KAZN: variants seen among roughly 807,000 people sequenced by gnomAD.
The protein encoded by KAZN is kazrin, periplakin interacting protein, also known as kazrin.
In KAZN, 40 loss-of-function variants were observed where a neutral mutation model predicts 87.4. That is an observed-to-expected ratio of 0.46 (90% CI 0.36 to 0.60). KAZN has a LOEUF of 0.60. Ranked by LOEUF, KAZN falls within the 20% of genes least tolerant of loss-of-function variation. KAZN has a pLI of 0.00. For missense variants in KAZN, 898 were observed against 1,073.9 expected (o/e 0.84, Z 2.29); for synonymous variants, 466 against 458.3 (o/e 1.02, Z -0.22).
chr1:14,375,575 G>GT (rs1385409683), intron 2 of KAZN, among the ~76,000 whole-genome samples: 4 of 152,174 alleles, frequency 2.6e-5, no homozygotes, highest in Admixed American at 6.5e-5. Context: ...AGCATAAAGT[G>GT]TAAGGTCACT....
At chr1:14,565,558 C>T (rs1474981161) in intron 2 of KAZN, among the ~76,000 whole-genome samples, 8 of 152,172 alleles carry the variant, frequency 5.3e-5, no homozygotes, top group Non-Finnish European at 1.0e-4. Context: ...CATTGATTAA[C>T]CCTTCCTTTC....
intron 1 of KAZN, among the ~76,000 whole-genome samples, chr1:14,003,877 G>A (rs979313010): frequency 1.3e-5 from 2 of 152,048 alleles, no homozygotes; most frequent in South Asian, 4.2e-4. Flanking sequence ...CTGGTAAATA[G>A]GACTACATTA....
At chr1:14,314,703 T>G (rs1245364048) in intron 2 of KAZN, among the ~76,000 whole-genome samples, 2 of 152,144 alleles carry the variant, frequency 1.3e-5, no homozygotes, top group African/African-American at 4.8e-5. Flanking sequence ...AAATTCATTC[T>G]TTTAAAGTGT....
chr1:14,827,711 G>A (rs1360599778), intron 1 of KAZN, among the ~76,000 whole-genome samples: 1 of 152,200 alleles, frequency 6.6e-6, no homozygotes, highest in Non-Finnish European at 1.5e-5. Flanking sequence ...GTTCACAAGG[G>A]CCTTTCTGCC....
chr1:14,718,922 A>T (rs763855346), intron 1 of KAZN, among the ~76,000 whole-genome samples: 1 of 152,198 alleles, frequency 6.6e-6, no homozygotes, highest in Non-Finnish European at 1.5e-5. Flanking sequence ...TTGACATGAC[A>T]TAAAAAGAGA....
At chr1:15,063,775 C>T (rs934809473) in intron 7 of KAZN, among the ~76,000 whole-genome samples, 153 bp downstream of exon 7, 2 of 151,608 alleles carry the variant, frequency 1.3e-5, no homozygotes, top group African/African-American at 4.9e-5. Flanking sequence ...ATACTGCACA[C>T]CCAAGGCGGA....
chr1:14,557,629 G>GGTGTGTGTGT (rs59563758), intron 2 of KAZN, among the ~76,000 whole-genome samples: 1 of 137,878 alleles, frequency 7.3e-6, no homozygotes, highest in African/African-American at 2.7e-5. Flanking sequence ...GGTGTGTGTG[G>GGTGTGTGTGT]GTGTGTGTGT....
intron 2 of KAZN, among the ~76,000 whole-genome samples, chr1:15,004,381 G>A (rs565686719): frequency 6.6e-6 from 1 of 152,302 alleles, no homozygotes; most frequent in Admixed American, 6.5e-5. Flanking sequence ...ATTGCAGAGT[G>A]AAAGAATCTG....
chr1:14,595,110 C>T (rs1379154021), upstream of KAZN, among the ~76,000 whole-genome samples: 1 of 150,790 alleles, frequency 6.6e-6, no homozygotes, highest in East Asian at 2.0e-4. Flanking sequence ...CACCACTATG[C>T]TCCAGCCTGG....
intron 1 of KAZN, among the ~76,000 whole-genome samples, chr1:14,835,223 C>T (rs1647193700): frequency 6.6e-6 from 1 of 152,120 alleles, no homozygotes; most frequent in African/African-American, 2.4e-5. Context: ...CTGTGGTCAC[C>T]AAAGACATAT....
intron 1 of KAZN, among the ~76,000 whole-genome samples, chr1:14,137,017 A>G (rs987665333): frequency 1.3e-5 from 2 of 152,130 alleles, no homozygotes; most frequent in African/African-American, 4.8e-5. Flanking sequence ...GTTTCCTTTG[A>G]AGCTCAGGAA....
intron 1 of KAZN, among the ~76,000 whole-genome samples, chr1:14,098,373 G>A (rs1644175847): frequency 6.6e-6 from 1 of 152,140 alleles, no homozygotes; most frequent in African/African-American, 2.4e-5. Flanking sequence ...ATGATTAAAT[G>A]GGTTTTATTT....
At chr1:15,062,899 C>T (rs1470316863) in intron 6 of KAZN, 1 of 152,254 alleles carries the variant, frequency 6.6e-6, no homozygotes, top group African/African-American at 2.4e-5. Flanking sequence ...AGTTCAGACC[C>T]CTCCTGGGGC....
chr1:14,292,887 T>C (rs924761739), intron 2 of KAZN, among the ~76,000 whole-genome samples: 27 of 152,180 alleles, frequency 1.8e-4, no homozygotes, highest in Non-Finnish European at 3.2e-4. Flanking sequence ...AGATTCTTAG[T>C]AAAACTGCAG....
At chr1:14,354,459 T>A (rs1046580757) in intron 2 of KAZN, among the ~76,000 whole-genome samples, 1 of 152,072 alleles carries the variant, frequency 6.6e-6, no homozygotes, top group Admixed American at 6.6e-5. Context: ...TGCTTATAAT[T>A]CAGTAATAAA....
intron 8 of KAZN, among the ~76,000 whole-genome samples, chr1:15,085,568 G>T (rs1640211584): frequency 6.6e-6 from 1 of 152,032 alleles, no homozygotes; most frequent in Admixed American, 6.6e-5. Flanking sequence ...GCTCAAGCAA[G>T]CCTCCCGCCT....
At chr1:14,137,884 A>G (rs1645144263) in intron 1 of KAZN, among the ~76,000 whole-genome samples, 1 of 151,716 alleles carries the variant, frequency 6.6e-6, no homozygotes, top group Admixed American at 6.6e-5. Context: ...AGCCCATTCT[A>G]TCTTTGATTA....
intron 8 of KAZN, among the ~76,000 whole-genome samples, chr1:15,091,335 GTTTTGTTGTT>G (rs1346009230): frequency 1.3e-5 from 2 of 152,108 alleles, no homozygotes; most frequent in African/African-American, 4.8e-5. Flanking sequence ...TGCCTGCTGT[GTTTTGTTGTT>G]TTTTGTTTTT....
intron 1 of KAZN, among the ~76,000 whole-genome samples, chr1:14,947,025 G>A (rs1441755582): frequency 2.0e-5 from 3 of 152,192 alleles, no homozygotes; most frequent in African/African-American, 7.2e-5. Flanking sequence ...ATCTTTCCGT[G>A]GGTTCTGGGA....
Sources: gnomAD v4.1 joint callset for allele counts (sites outside exome capture counted in the v4.1 genomes callset) on GRCh38, gnomAD v4.1.1 for gene constraint, MANE v1.5 for transcripts, NCBI Gene and HGNC (gene_info 2026-07-23, HGNC 2026-07-21) for gene names.